The following PARD3B variants were observed in gnomAD, a reference collection of about 807,000 sequenced individuals.
PARD3B encodes partitioning defective 3 homolog B.
A neutral mutation model predicts 130.2 loss-of-function variants in PARD3B; 103 were observed. That is an observed-to-expected ratio of 0.79 (90% CI 0.67 to 0.93). The LOEUF is 0.93. PARD3B is among the 40% of genes least tolerant of loss of function. The pLI is 0.00. For missense variants in PARD3B, 1,609 were observed against 1,499.2 expected (o/e 1.07, Z -1.21); for synonymous variants, 583 against 553.2 (o/e 1.05, Z -0.76).
intron 20 of PARD3B, among the ~76,000 whole-genome samples, chr2:205,483,223 T>C (rs1313768969): frequency 1.3e-5 from 2 of 152,334 alleles, no homozygotes; most frequent in Middle Eastern, 3.4e-3. Flanking sequence ...CTTTGGGTTT[T>C]GTGATTTCTA....
intron 1 of PARD3B, among the ~76,000 whole-genome samples, chr2:204,547,484 C>T (rs2030075180): frequency 6.6e-6 from 1 of 152,124 alleles, no homozygotes; most frequent in Non-Finnish European, 1.5e-5. Flanking sequence ...TGTGTGTGTG[C>T]ACGTGCATAT....
rs1366118231 is a variant in PARD3B at position 205,057,523 on chromosome 2, GTA to G, written c.504+9840_504+9841del. Among the ~76,000 whole-genome samples the G allele has an allele frequency of 1.4e-5, 2 of 144,026 alleles. 1 individual carries two copies. Among genetic ancestry groups the G allele is most frequent in the Non-Finnish European group, 3.0e-5 (2 of 66,088 alleles). 94.5% of individuals were successfully genotyped at this position (144,026 alleles called of 152,430 possible). A position where few individuals can be genotyped will look rare whatever the true frequency, so the allele number is the denominator to read the frequency against. ...TATACATATATGTGTATGTGCATGT[GTA>G]TATATACATATATGTATATGTGTAT... is the stretch of plus-strand genomic sequence containing the variant. On this transcript the variant is annotated intron_variant, in intron 4 of 22. Coordinates refer to ENST00000406610, the MANE Select transcript of PARD3B (RefSeq NM_001302769.2).
At chr2:205,339,152 T>G (rs2105801884) in intron 18 of PARD3B, among the ~76,000 whole-genome samples, 1 of 152,320 alleles carries the variant, frequency 6.6e-6, no homozygotes, top group Non-Finnish European at 1.5e-5. Context: ...TATATAGTAT[T>G]TTTTTGTTTT....
In PARD3B at chr2:205,382,817, A is replaced by T. The variant is rs59140623; in HGVS notation, c.2631-18196A>T. Among the ~76,000 whole-genome samples, 1,126 of 152,164 alleles carry T rather than the reference A, an allele frequency of 7.4e-3. 16 individuals carry two copies. The highest frequency in any genetic ancestry group is 0.026 in the African/African-American group (1,064 of 41,540). On this transcript the variant is annotated intron_variant, in intron 18 of 22. Coordinates refer to ENST00000406610, the MANE Select transcript of PARD3B (RefSeq NM_001302769.2). The stretch of plus-strand genomic sequence containing the variant: ...ATTTATTTTGTTGCTCAGATTATTC[A>T]GTATTGGCCACTGGGAGCATTTTCA...
intron 4 of PARD3B, among the ~76,000 whole-genome samples, chr2:205,054,772 G>A (rs1183272197): frequency 6.6e-6 from 1 of 151,946 alleles, no homozygotes; most frequent in Non-Finnish European, 1.5e-5. Context: ...CATGGTTCCT[G>A]TCCTCAAGAA....
chr2:205,528,573 C>T (rs2051440634), intron 21 of PARD3B, among the ~76,000 whole-genome samples: 2 of 151,814 alleles, frequency 1.3e-5, no homozygotes, highest in Admixed American at 6.6e-5. Context: ...CTCACTGCTA[C>T]CTCTACCTCC....
intron 21 of PARD3B, among the ~76,000 whole-genome samples, chr2:205,524,073 T>C (rs940244127): frequency 6.6e-6 from 1 of 152,128 alleles, no homozygotes; most frequent in Non-Finnish European, 1.5e-5. Context: ...CTGAGGCTTA[T>C]CTAACTTTTC....
Position 205,268,811 on chromosome 2 carries a change from A to G in PARD3B, c.2185+22989A>G, listed in dbSNP as rs1213187780. On this transcript the variant is annotated intron_variant, in intron 16 of 22. Coordinates refer to ENST00000406610, the MANE Select transcript of PARD3B (RefSeq NM_001302769.2). The surrounding 1 kb of genome is among the most constrained non-coding windows in gnomAD (Gnocchi z 4.1). ...ATGGTTTTAAGTGATGCTGGCTAGA[A>G]TAAAGGTGGAAGGAGGAAAATAAAT... is the stretch of plus-strand genomic sequence containing the variant. Among the ~76,000 whole-genome samples, 1 of 152,180 alleles carries G rather than the reference A, an allele frequency of 6.6e-6. No individual in the cohort carries two copies. Among genetic ancestry groups the G allele is most frequent in the Non-Finnish European group, 1.5e-5 (1 of 68,024 alleles).
chr2:204,960,816 TG>T (rs1402320761), intron 2 of PARD3B, among the ~76,000 whole-genome samples: 7 of 152,118 alleles, frequency 4.6e-5, no homozygotes, highest in African/African-American at 1.7e-4. Context: ...GCTGTGATGC[TG>T]ACAGGATGAT....
At chr2:205,012,497 T>C (rs1477569157) in intron 3 of PARD3B, among the ~76,000 whole-genome samples, 1 of 152,188 alleles carries the variant, frequency 6.6e-6, no homozygotes, top group African/African-American at 2.4e-5. Context: ...TCCATGACTC[T>C]TTTGATTTCT....
intron 16 of PARD3B, among the ~76,000 whole-genome samples, chr2:205,255,795 C>T (rs1357250649): frequency 6.6e-6 from 1 of 152,172 alleles, no homozygotes; most frequent in Non-Finnish European, 1.5e-5. Flanking sequence ...GCACTCTCTC[C>T]AGGCATCTCC....
intron 20 of PARD3B, among the ~76,000 whole-genome samples, chr2:205,472,871 G>C (rs140967887): frequency 1.1e-4 from 17 of 152,162 alleles, no homozygotes; most frequent in South Asian, 2.1e-4. Context: ...TTGTATAGAG[G>C]GGGGGAACAG....
At chr2:204,999,807 A>G (rs1176741332) in intron 3 of PARD3B, among the ~76,000 whole-genome samples, 1 of 152,218 alleles carries the variant, frequency 6.6e-6, no homozygotes, top group Non-Finnish European at 1.5e-5. Flanking sequence ...AGCAAGTGGT[A>G]CCTGATATAT....
At chr2:204,682,544 A>C (rs1009221650) in intron 1 of PARD3B, among the ~76,000 whole-genome samples, 1 of 152,192 alleles carries the variant, frequency 6.6e-6, no homozygotes, top group Non-Finnish European at 1.5e-5. Context: ...CTTCCATTTG[A>C]CCATTGCTGT....
chr2:204,980,986 G>C (rs777558036), intron 3 of PARD3B, among the ~76,000 whole-genome samples: 1 of 152,108 alleles, frequency 6.6e-6, no homozygotes, highest in African/African-American at 2.4e-5. Context: ...GTTAACATAG[G>C]GGAAACTCGA....
At chr2:205,533,216 ATTCTC>A (rs67475842) in intron 21 of PARD3B, among the ~76,000 whole-genome samples, 69,563 of 151,492 alleles carry the variant, frequency 0.46, 17,818 homozygotes, top group Middle Eastern at 0.67. Context: ...TAATTTTTGT[ATTCTC>A]TTCTCCCAAA....
intron 22 of PARD3B, among the ~76,000 whole-genome samples, chr2:205,571,660 A>G (rs1382262244): frequency 6.6e-6 from 1 of 152,198 alleles, no homozygotes; most frequent in Non-Finnish European, 1.5e-5. Context: ...CCTTACTAAT[A>G]AAAGTCACTT....
rs111885999 is a variant in PARD3B, at chr2:205,400,664, A to G, written c.2631-349A>G. On this transcript the variant is annotated intron_variant, in intron 18 of 22. Coordinates refer to ENST00000406610, the MANE Select transcript of PARD3B (RefSeq NM_001302769.2). ...CTCAAAAAAAAAAAATAAAAACTAA[A>G]GAAAGTCCTACCTCTAAGCAACCTG... Among the ~76,000 whole-genome samples, 1,107 of 152,120 alleles carry G rather than the reference A, an allele frequency of 7.3e-3. 5 individuals are homozygous for G. Among genetic ancestry groups the G allele is most frequent in the Admixed American group, 0.011 (168 of 15,258 alleles).
chr2:205,380,979 A>G (rs1278936878), intron 18 of PARD3B, among the ~76,000 whole-genome samples: 2 of 83,524 alleles, frequency 2.4e-5, no homozygotes, highest in African/African-American at 4.3e-5. Flanking sequence ...AGAATATATT[A>G]TATATAATAT....
Sources: gnomAD v4.1 joint callset for allele counts (sites outside exome capture counted in the v4.1 genomes callset) on GRCh38, gnomAD v4.1.1 for gene constraint, Gnocchi (gnomAD v3.1) non-coding constraint, MANE v1.5 for transcripts, NCBI Gene and HGNC (gene_info 2026-07-23, HGNC 2026-07-21) for gene names.